SLC25A1: variants seen among roughly 807,000 people sequenced by gnomAD.
SLC25A1 encodes the protein tricarboxylate transport protein, mitochondrial.
In SLC25A1, 26 loss-of-function variants were observed where a neutral mutation model predicts 38.1. The ratio of observed to expected loss-of-function variants is 0.68; its 90% CI spans 0.50 to 0.95. The LOEUF is 0.95. SLC25A1 is among the 40% of genes least tolerant of loss of function. The pLI is 0.00. For synonymous variants in SLC25A1, 211 were observed against 183.2 expected, an observed-to-expected ratio of 1.15 and a Z score of -1.23; for missense variants, 378 against 426.6, an observed-to-expected ratio of 0.89 and a Z score of 1.00.
Position 19,178,545 on chromosome 22 carries a change from G to A in SLC25A1, c.94+35C>T. 1.6e-6 allele frequency: 2 copies of A among 1,258,750 alleles called. No individual in the cohort carries two copies. The allele number at this position is 1,258,750 out of a possible 1,614,324, so 78.0% of individuals were successfully genotyped here. A position where few individuals can be genotyped will look rare whatever the true frequency, so the allele number is the denominator to read the frequency against. ...GCGTCCCGGGCCCACCCAGAAGCGC[G>A]GCGGGAGAGGGGTCCGCGTCCCGGA... On this transcript the variant is annotated intron_variant, in intron 1 of 8. Coordinates refer to ENST00000215882, the MANE Select transcript of SLC25A1 (RefSeq NM_005984.5). This position sits in a 1 kb window ranked among gnomAD's most constrained non-coding sequence, Gnocchi z 4.9.
chr22:19,177,583 G>T, intron 4 of SLC25A1, 144 bp downstream of exon 4: 1 of 1,124,648 alleles, frequency 8.9e-7, no homozygotes, highest in Non-Finnish European at 1.2e-6. Flanking sequence ...CCTGCCCCAG[G>T]GCCCCGCGGT....
chr22:19,177,644 T>C, intron 4 of SLC25A1, 83 bp downstream of exon 4: 1 of 1,565,658 alleles, frequency 6.4e-7, no homozygotes, highest in South Asian at 1.1e-5. Flanking sequence ...AGCTTGCCGG[T>C]TGCCCCGGGA....
Position 19,175,653 on chromosome 22 carries a change from GGAGA to G in SLC25A1, c.*473_*476del, listed in dbSNP as rs1569128311. On this transcript the variant is annotated 3_prime_UTR_variant, in exon 9 of 9. Transcript: ENST00000215882. ...TGGTGGGTGCCACCCTGTCCGGGGC[GGAGA>G]GAGGGCCCGAGGGCCAGTTAAGGCC... 1 of 215,904 alleles carries G rather than the reference GGAGA, an allele frequency of 4.6e-6. No homozygotes were observed. The highest frequency in any genetic ancestry group is 1.3e-4 in the East Asian group (1 of 7,872). 13.4% of individuals were successfully genotyped at this position (215,904 alleles called of 1,614,324 possible). A position where few individuals can be genotyped will look rare whatever the true frequency, so the allele number is the denominator to read the frequency against.
chr22:19,176,286 CA>C (rs2083958604), intron 8 of SLC25A1, 42 bp from the exon 9 acceptor site: 1 of 1,570,798 alleles, frequency 6.4e-7, no homozygotes, highest in African/African-American at 1.3e-5. Context: ...CAGGTCAGCA[CA>C]GTGTCCCTGC....
At chr22:19,176,778 G>C in intron 6 of SLC25A1, 68 bp downstream of exon 6, 1 of 1,588,266 alleles carries the variant, frequency 6.3e-7, no homozygotes, top group Non-Finnish European at 8.6e-7. Context: ...CCGCCACCCA[G>C]GGGTGGCCCC....
intron 3 of SLC25A1, 36 bp downstream of exon 3, chr22:19,177,906 G>GC (rs782209746): frequency 1.3e-5 from 20 of 1,582,858 alleles, no homozygotes; most frequent in Non-Finnish European, 1.5e-5. Context: ...CCGCGGCCGA[G>GC]CCCCCCTCCC....
chr22:19,176,192 T>C lies in SLC25A1; in HGVS notation c.874A>G (p.Ile292Val). Residue 292 changes from isoleucine (I) to valine (V), a missense_variant, in exon 9 of 9, where the codon ATA becomes GTA. Transcript: ENST00000215882. Reference sequence around the variant, plus strand: ...ACTTCATCATAGATGACAAACACTATGGCCACATCCAGGCAGACCCGGCCC... The same window carrying C: ...ACTTCATCATAGATGACAAACACTACGGCCACATCCAGGCAGACCCGGCCC... The part of the protein sequence containing the change: ...RLGRVCLDVA[I>V]VFVIYDEVVK... The C allele has an allele frequency of 1.2e-6, 2 of 1,612,994 alleles. No individual in the cohort carries two copies. The highest frequency in any genetic ancestry group is 1.7e-6 in the Non-Finnish European group (2 of 1,179,724).
Position 19,176,048 on chromosome 22 carries a change from AC to A in SLC25A1, c.*81del. 1 of 1,108,544 alleles carries A rather than the reference AC, an allele frequency of 9.0e-7. No individual in the cohort carries two copies. Among genetic ancestry groups the A allele is most frequent in the Non-Finnish European group, 1.3e-6 (1 of 750,548 alleles). 68.7% of individuals were successfully genotyped at this position (1,108,544 alleles called of 1,614,324 possible). On this transcript the variant is annotated 3_prime_UTR_variant, in exon 9 of 9. Coordinates refer to ENST00000215882, the MANE Select transcript of SLC25A1 (RefSeq NM_005984.5). ...GGGACGTGGGAAGGGGCCTTTTGGCACTACTGCACTGGAATCGTGAGACAAA... is the reference window on the plus strand; with the variant it reads ...GGGACGTGGGAAGGGGCCTTTTGGCATACTGCACTGGAATCGTGAGACAAA...
At chr22:19,177,340 C>G in intron 4 of SLC25A1, 136 bp from the exon 5 acceptor site, 1 of 700,580 alleles carries the variant, frequency 1.4e-6, no homozygotes, top group Non-Finnish European at 2.4e-6. Flanking sequence ...CAAGGCCGCC[C>G]TGGGCTGCCC....
rs1437928333 is a variant in SLC25A1, at chr22:19,175,743, G to A, written c.*387C>T. Reference sequence around the variant, plus strand: ...ATGCGGTGAAGCCAGGCCGAGGCCCGGAGGCAGCTGTGGTAGGCCAGGGCA... The same window carrying A: ...ATGCGGTGAAGCCAGGCCGAGGCCCAGAGGCAGCTGTGGTAGGCCAGGGCA... On this transcript the variant is annotated 3_prime_UTR_variant, in exon 9 of 9. Transcript: ENST00000215882. The A allele has an allele frequency of 7.6e-5, 17 of 224,758 alleles. No homozygotes were observed. Among genetic ancestry groups the A allele is most frequent in the African/African-American group, 2.8e-4 (12 of 43,462 alleles). The allele number at this position is 224,758 out of a possible 1,614,324, so 13.9% of individuals were successfully genotyped here.
chr22:19,176,492 G>A lies in SLC25A1; in HGVS notation c.750C>T (p.Gly250=). The part of the protein sequence containing the change: ...PLDVIKTRMQ[G]LEAHKYRNTW... Reference sequence around the variant, plus strand: ...TGTTCCGGTATTTGTGCGCCTCCAGGCCCTATGGGGGACATCAGCAGGCAG... The same window carrying A: ...TGTTCCGGTATTTGTGCGCCTCCAGACCCTATGGGGGACATCAGCAGGCAG... Residue 250 remains glycine (G), a splice_region_variant and synonymous_variant, in exon 8 of 9, where the codon GGC becomes GGT. Transcript: ENST00000215882. 6.2e-7 allele frequency: 1 copy of A among 1,613,844 alleles called. No individual in the cohort carries two copies. The highest frequency in any genetic ancestry group is 8.5e-7 in the Non-Finnish European group (1 of 1,179,998).
Position 19,176,923 on chromosome 22 carries a change from G to A in SLC25A1, c.554C>T (p.Thr185Ile), listed in dbSNP as rs2083970247. 6 of 1,613,700 alleles carry A rather than the reference G, an allele frequency of 3.7e-6. No individual in the cohort carries two copies. Among genetic ancestry groups the A allele is most frequent in the Non-Finnish European group, 5.1e-6 (6 of 1,180,016 alleles). The part of the protein sequence containing the change: ...QGLKGTYQGL[T>I]ATVLKQGSNQ... Reference sequence around the variant, plus strand: ...CGAGCCCTGCTTCAGGACAGTGGCTGTGAGGCCCTGGTACGTCCCCTTCAG... The same window carrying A: ...CGAGCCCTGCTTCAGGACAGTGGCTATGAGGCCCTGGTACGTCCCCTTCAG... Residue 185 changes from threonine to isoleucine, a missense_variant, in exon 6 of 9, where the codon ACA becomes ATA. Coordinates refer to ENST00000215882, the MANE Select transcript of SLC25A1 (RefSeq NM_005984.5).
In SLC25A1 at chr22:19,178,197, G is replaced by C; in HGVS notation, c.138C>G (p.Thr46=). ...GCTGCAGCTGCGTCTTCACGTACTC[G>C]GTGGGGAAGGTGATGCAGATCTCGA... The part of the protein sequence containing the change: ...GGIEICITFP[T]EYVKTQLQLD... The change falls in exon 2 of 9, where the codon ACC becomes ACG. Residue 46 remains threonine (T), a synonymous_variant. Transcript: ENST00000215882. This position sits in a 1 kb window ranked among gnomAD's most constrained non-coding sequence, Gnocchi z 4.9. 6.4e-7 allele frequency: 1 copy of C among 1,552,910 alleles called. No homozygotes were observed. Among genetic ancestry groups the C allele is most frequent in the South Asian group, 1.2e-5 (1 of 84,216 alleles).
Position 19,176,021 on chromosome 22 carries a change from G to T in SLC25A1, c.*109C>A. Reference sequence around the variant, plus strand: ...ATGCACAGACCAGGCTACAGAGCTCGAGGGACGTGGGAAGGGGCCTTTTGG... The same window carrying T: ...ATGCACAGACCAGGCTACAGAGCTCTAGGGACGTGGGAAGGGGCCTTTTGG... On this transcript the variant is annotated 3_prime_UTR_variant, in exon 9 of 9. Transcript: ENST00000215882. The T allele has an allele frequency of 1.2e-6, 1 of 849,114 alleles. No homozygotes were observed. 52.6% of individuals were successfully genotyped at this position (849,114 alleles called of 1,614,324 possible).
rs532384674 is a variant in SLC25A1, at chr22:19,177,907, C to T, written c.302+35G>A. ...GGTGAGAGGGGCTGCCGCGGCCGAG[C>T]CCCCCTCCCGCAGCAGCCACCGGCC... On this transcript the variant is annotated intron_variant, in intron 3 of 8. Coordinates refer to ENST00000215882, the MANE Select transcript of SLC25A1 (RefSeq NM_005984.5). The T allele has an allele frequency of 1.9e-6, 3 of 1,582,258 alleles. 1 individual carries two copies. Among genetic ancestry groups the T allele is most frequent in the South Asian group, 2.3e-5 (2 of 88,060 alleles).
chr22:19,176,136 C>T lies in SLC25A1; in HGVS notation c.930G>A (p.Thr310=), dbSNP rs782063908. ...CCTTGCGGCCTCTCTAGGCTTAGTC[C>T]GTCTTCCACACTTTGTTGAGCAGCT... ...VVKLLNKVWK[T]D Residue 310 remains threonine (T), a synonymous_variant, in exon 9 of 9, where the codon ACG becomes ACA. Coordinates refer to ENST00000215882, the MANE Select transcript of SLC25A1 (RefSeq NM_005984.5). 11 of 1,613,566 alleles carry T rather than the reference C, an allele frequency of 6.8e-6. No homozygotes were observed. Among genetic ancestry groups the T allele is most frequent in the Admixed American group, 3.3e-5 (2 of 60,008 alleles).
chr22:19,176,291 T>C (rs782300578), intron 8 of SLC25A1, 47 bp from the exon 9 acceptor site: 1 of 1,560,606 alleles, frequency 6.4e-7, no homozygotes, highest in Admixed American at 1.7e-5. Context: ...CAGCACAGTG[T>C]CCCTGCACAG....
rs782021001 is a variant in SLC25A1 at position 19,178,051 on chromosome 22, G to A, written c.203-10C>T. The A allele has an allele frequency of 8.3e-6, 13 of 1,575,652 alleles. No homozygotes were observed. The highest frequency in any genetic ancestry group is 1.3e-5 in the African/African-American group (1 of 74,198). ...TGCCGCACGCAGTCCCCTGGGGGAG[G>A]GGGCGGTCAGGACCCCACGGCCCTC... On this transcript the variant is annotated splice_polypyrimidine_tract_variant and intron_variant, in intron 2 of 8. Coordinates refer to ENST00000215882, the MANE Select transcript of SLC25A1 (RefSeq NM_005984.5). The surrounding 1 kb of genome is among the most constrained non-coding windows in gnomAD (Gnocchi z 4.9).
chr22:19,178,065 C>T lies in SLC25A1; in HGVS notation c.203-24G>A, dbSNP rs1555923214. Reference sequence around the variant, plus strand: ...CCCTGGGGGAGGGGGCGGTCAGGACCCCACGGCCCTCGGTGCCGCCGCCCT... The same window carrying T: ...CCCTGGGGGAGGGGGCGGTCAGGACTCCACGGCCCTCGGTGCCGCCGCCCT... On this transcript the variant is annotated intron_variant, in intron 2 of 8. Coordinates refer to ENST00000215882, the MANE Select transcript of SLC25A1 (RefSeq NM_005984.5). This position sits in a 1 kb window ranked among gnomAD's most constrained non-coding sequence, Gnocchi z 4.9. 13 of 1,559,742 alleles carry T rather than the reference C, an allele frequency of 8.3e-6. No individual in the cohort carries two copies. The highest frequency in any genetic ancestry group is 1.1e-5 in the Non-Finnish European group (13 of 1,154,822).
Sources: allele counts gnomAD v4.1 joint callset, GRCh38; gene constraint gnomAD v4.1.1; non-coding constraint Gnocchi (gnomAD v3.1); transcripts MANE v1.5; gene names NCBI Gene and HGNC (gene_info 2026-07-23, HGNC 2026-07-21).